NPR3: variants seen among roughly 807,000 people sequenced by gnomAD.
NPR3 encodes the protein atrial natriuretic peptide receptor 3.
A neutral mutation model predicts 54.5 loss-of-function variants in NPR3; 34 were observed. That is an observed-to-expected ratio of 0.62 (90% CI 0.47 to 0.83). The LOEUF is 0.83. Among genes scored for constraint, NPR3 ranks in the 40% least tolerant of loss-of-function variants. NPR3 has a pLI of 0.00. For synonymous variants in NPR3, 289 were observed against 297.1 expected, an observed-to-expected ratio of 0.97 and a Z score of 0.28; for missense variants, 674 against 720.8, an observed-to-expected ratio of 0.94 and a Z score of 0.74.
intron 1 of NPR3, among the ~76,000 whole-genome samples, chr5:32,702,971 G>A (rs1393967194): frequency 3.3e-5 from 5 of 152,132 alleles, no homozygotes; most frequent in African/African-American, 9.7e-5. Context: ...GTGTGAGATG[G>A]TATCTCATTG....
intron 1 of NPR3, among the ~76,000 whole-genome samples, chr5:32,703,722 G>A (rs776449956): frequency 1.3e-5 from 2 of 152,218 alleles, no homozygotes; most frequent in Non-Finnish European, 2.9e-5. Context: ...TGAGCTGGTA[G>A]CCAAATTGCA....
intron 3 of NPR3, among the ~76,000 whole-genome samples, chr5:32,749,881 A>T (rs980242031): frequency 1.3e-5 from 2 of 152,112 alleles, no homozygotes; most frequent in African/African-American, 4.8e-5. Flanking sequence ...TAGGGAGGAG[A>T]TCCGACTCAA....
At chr5:32,773,726 C>T (rs996700812) in intron 3 of NPR3, among the ~76,000 whole-genome samples, 10 of 152,150 alleles carry the variant, frequency 6.6e-5, no homozygotes, top group South Asian at 2.1e-4. Flanking sequence ...GAACAGACTT[C>T]GAACACAGCA....
At chr5:32,717,768 TG>T (rs1319691366) in intron 1 of NPR3, among the ~76,000 whole-genome samples, 1 of 152,230 alleles carries the variant, frequency 6.6e-6, no homozygotes, top group Non-Finnish European at 1.5e-5. Flanking sequence ...CTTTGTCAGA[TG>T]GGTAGATTGC....
intron 1 of NPR3, chr5:32,713,471 C>T (rs1036862589): frequency 1.3e-5 from 13 of 985,014 alleles, no homozygotes; most frequent in Non-Finnish European, 1.4e-5. Flanking sequence ...GACTGAGATG[C>T]CGGTATAGCG....
chr5:32,775,844 C>CA lies in NPR3; in HGVS notation c.1195+1002dup, dbSNP rs559036830. ...AACTCCTGACTGCAGGTGATCCACCCACCTTGGCCTCCCAAGCTTTCTTAA... is the reference window on the plus strand; with the variant it reads ...AACTCCTGACTGCAGGTGATCCACCCAACCTTGGCCTCCCAAGCTTTCTTAA... On this transcript the variant is annotated intron_variant, in intron 4 of 7. Transcript: ENST00000265074. Among the ~76,000 whole-genome samples, 151 of 152,278 alleles carry CA rather than the reference C, an allele frequency of 9.9e-4. 1 individual carries two copies. Among genetic ancestry groups the CA allele is most frequent in the South Asian group, 7.1e-3 (34 of 4,822 alleles).
intron 1 of NPR3, chr5:32,713,166 T>A: frequency 1.0e-6 from 1 of 985,360 alleles, no homozygotes; most frequent in Non-Finnish European, 1.2e-6. Flanking sequence ...AAAATGCCCC[T>A]GTGTGTCTGA....
chr5:32,736,848 C>T (rs1739775418), intron 2 of NPR3, among the ~76,000 whole-genome samples: 1 of 152,180 alleles, frequency 6.6e-6, no homozygotes, highest in African/African-American at 2.4e-5. Context: ...ATCTTATGCT[C>T]ATTGAGCACA....
intron 1 of NPR3, among the ~76,000 whole-genome samples, chr5:32,717,838 G>A (rs1229073711): frequency 6.9e-6 from 1 of 145,670 alleles, no homozygotes; most frequent in Non-Finnish European, 1.5e-5. Flanking sequence ...TTCTTTTGCT[G>A]TGCAGAAGCT....
chr5:32,780,713 G>C lies in NPR3; in HGVS notation c.1196-9G>C. Reference sequence around the variant, plus strand: ...ACCAACGTTGAGTTCTTCGCTTCTGGTCCTGTAGGTATCGCCGGGCAGGTG... The same window carrying C: ...ACCAACGTTGAGTTCTTCGCTTCTGCTCCTGTAGGTATCGCCGGGCAGGTG... On this transcript the variant is annotated splice_polypyrimidine_tract_variant and intron_variant, in intron 4 of 7. Coordinates refer to ENST00000265074, the MANE Select transcript of NPR3 (RefSeq NM_001204375.2). The C allele has an allele frequency of 7.6e-7, 1 of 1,319,770 alleles. No individual in the cohort carries two copies. The highest frequency in any genetic ancestry group is 1.1e-6 in the Non-Finnish European group (1 of 911,366). The allele number at this position is 1,319,770 out of a possible 1,614,324, so 81.8% of individuals were successfully genotyped here. A position where few individuals can be genotyped will look rare whatever the true frequency, so the allele number is the denominator to read the frequency against.
chr5:32,756,188 C>T (rs181383616), intron 3 of NPR3, among the ~76,000 whole-genome samples: 37 of 152,304 alleles, frequency 2.4e-4, no homozygotes, highest in African/African-American at 7.0e-4. Context: ...CTGTCTTCCA[C>T]GAATGGTTGA....
At chr5:32,750,903 AG>A (rs1383629402) in intron 3 of NPR3, among the ~76,000 whole-genome samples, 5 of 152,358 alleles carry the variant, frequency 3.3e-5, no homozygotes, top group African/African-American at 1.2e-4. Flanking sequence ...TTGCTTTGCC[AG>A]GTAACAACAA....
chr5:32,713,547 C>A (rs1738382020), intron 1 of NPR3: 5 of 863,538 alleles, frequency 5.8e-6, no homozygotes, highest in Non-Finnish European at 7.0e-6. Context: ...TCTCTGCTCC[C>A]CCTTGGCGCT....
chr5:32,723,679 GT>G (rs956424147), intron 1 of NPR3, among the ~76,000 whole-genome samples: 31 of 152,054 alleles, frequency 2.0e-4, no homozygotes, highest in African/African-American at 7.2e-4. Context: ...ATTTGATGCA[GT>G]TTTTTTTAAA....
At chr5:32,774,620 T>A (rs991386457) in intron 3 of NPR3, 88 bp from the exon 4 acceptor site, 42 of 992,904 alleles carry the variant, frequency 4.2e-5, no homozygotes, top group Non-Finnish European at 6.6e-5. Flanking sequence ...ACCTGAAGTC[T>A]AACTTGTTAA....
chr5:32,786,295 C>A lies in NPR3; in HGVS notation c.1576C>A (p.His526Asn). Residue 526 changes from histidine (H) to asparagine (N), a missense_variant, in exon 8 of 8, where the codon CAT becomes AAT. Transcript: ENST00000265074. ...TQQEESNLGK[H>N]RELREDSIRS... ...GCAAGAAGAAAGTAACCTTGGAAAA[C>A]ATCGGGAATTACGGGAAGATTCCAT... 6.3e-7 allele frequency: 1 copy of A among 1,591,530 alleles called. No individual in the cohort carries two copies. Among genetic ancestry groups the A allele is most frequent in the Non-Finnish European group, 8.6e-7 (1 of 1,163,046 alleles).
chr5:32,709,535 T>A (rs891747048), upstream of NPR3: 5 of 152,162 alleles, frequency 3.3e-5, no homozygotes, highest in Non-Finnish European at 7.3e-5. Context: ...GTTTGTGGAA[T>A]TAAATTTTAT....
intron 7 of NPR3, among the ~76,000 whole-genome samples, chr5:32,785,382 C>T (rs1742566352): frequency 6.6e-6 from 1 of 152,028 alleles, no homozygotes; most frequent in South Asian, 2.1e-4. Context: ...AACTCCTGAC[C>T]TCCAGTGATC....
intron 1 of NPR3, among the ~76,000 whole-genome samples, chr5:32,691,795 T>C (rs1178587059): frequency 6.6e-6 from 1 of 152,162 alleles, no homozygotes; most frequent in East Asian, 1.9e-4. Flanking sequence ...AACAGGGAAA[T>C]AGCATAGGTG....
Sources: gnomAD v4.1 joint callset for allele counts (sites outside exome capture counted in the v4.1 genomes callset) on GRCh38, gnomAD v4.1.1 for gene constraint, MANE v1.5 for transcripts, NCBI Gene and HGNC (gene_info 2026-07-23, HGNC 2026-07-21) for gene names.